The following LSAMP variants were observed in gnomAD, a reference collection of about 807,000 sequenced individuals.
The protein encoded by LSAMP is limbic system associated membrane protein, also known as limbic system-associated membrane protein.
Under a neutral mutation model 38.6 loss-of-function variants are expected in LSAMP, and 7 were observed. The observed-to-expected ratio is 0.18, with a 90% CI of 0.10 to 0.34. The LOEUF (loss-of-function observed/expected upper bound fraction) is 0.34. Ranked by LOEUF, LSAMP falls within the 10% of genes least tolerant of loss-of-function variation. LSAMP has a pLI of 1.00. For missense variants in LSAMP, 313 were observed against 420.0 expected, an observed-to-expected ratio of 0.75 and a Z score of 2.23; for synonymous variants, 154 against 166.8, an observed-to-expected ratio of 0.92 and a Z score of 0.59.
chr3:115,820,638 T>C (rs904530200), intron 6 of LSAMP, among the ~76,000 whole-genome samples: 2 of 152,238 alleles, frequency 1.3e-5, no homozygotes, highest in Non-Finnish European at 2.9e-5. Context: ...CTTATTGGCA[T>C]AGACAATACA....
chr3:116,193,882 C>A (rs1710813088), intron 1 of LSAMP, among the ~76,000 whole-genome samples: 1 of 149,948 alleles, frequency 6.7e-6, no homozygotes, highest in African/African-American at 2.5e-5. Context: ...GAATTAAACA[C>A]CACATCATCA....
At chr3:116,046,790 A>T (rs960581995) in intron 2 of LSAMP, among the ~76,000 whole-genome samples, 2 of 152,250 alleles carry the variant, frequency 1.3e-5, no homozygotes, top group East Asian at 3.8e-4. Flanking sequence ...AGAGTGCTCC[A>T]GATACCAACA....
At chr3:115,930,477 A>G (rs1339327140) in intron 3 of LSAMP, among the ~76,000 whole-genome samples, 1 of 152,142 alleles carries the variant, frequency 6.6e-6, no homozygotes, top group East Asian at 1.9e-4. Flanking sequence ...TTTCTTAGCT[A>G]GGTTAGTCTC....
chr3:115,839,729 A>G (rs1934934537), intron 6 of LSAMP, among the ~76,000 whole-genome samples: 1 of 152,206 alleles, frequency 6.6e-6, no homozygotes, highest in Non-Finnish European at 1.5e-5. Context: ...CAACTATGGT[A>G]GTGCCTATGT....
intron 1 of LSAMP, among the ~76,000 whole-genome samples, chr3:116,232,699 C>CTTTTTTTTTTTTTTTTTTT (rs1219296323): frequency 1.6e-4 from 16 of 99,438 alleles, no homozygotes; most frequent in South Asian, 8.9e-4. Context: ...TTCTTTCTTT[C>CTTTTTTTTTTTTTTTTTTT]TTTTTTTTTT....
chr3:116,226,729 G>A (rs898923745), intron 1 of LSAMP, among the ~76,000 whole-genome samples: 1 of 152,224 alleles, frequency 6.6e-6, no homozygotes, highest in African/African-American at 2.4e-5. Context: ...CACTTTGTGT[G>A]TGTCGTGTAG....
intron 1 of LSAMP, among the ~76,000 whole-genome samples, chr3:116,242,409 T>C (rs1041591623): frequency 6.6e-6 from 1 of 152,222 alleles, no homozygotes; most frequent in Non-Finnish European, 1.5e-5. Context: ...GGTCACGAAC[T>C]GAAATTTAAA....
chr3:115,930,431 C>G (rs576247119), intron 3 of LSAMP, among the ~76,000 whole-genome samples: 1 of 151,990 alleles, frequency 6.6e-6, no homozygotes, highest in Non-Finnish European at 1.5e-5. Context: ...AGGTGGCTAA[C>G]GTGGCTAATT....
At chr3:115,867,111 C>T (rs1291595399) in intron 3 of LSAMP, among the ~76,000 whole-genome samples, 1 of 151,710 alleles carries the variant, frequency 6.6e-6, no homozygotes, top group Non-Finnish European at 1.5e-5. Context: ...AACACTGAGA[C>T]AGAAAATCAT....
chr3:116,273,809 T>C (rs1004657473), intron 1 of LSAMP, among the ~76,000 whole-genome samples: 7 of 87,482 alleles, frequency 8.0e-5, no homozygotes, highest in East Asian at 3.2e-4. Context: ...CTCTTTTTCT[T>C]TCTTTCTCTC....
At chr3:116,128,278 C>G (rs1709050891) in intron 1 of LSAMP, among the ~76,000 whole-genome samples, 1 of 152,174 alleles carries the variant, frequency 6.6e-6, no homozygotes, top group Non-Finnish European at 1.5e-5. Context: ...CTTCACTTAT[C>G]TATTCCAAGA....
intron 1 of LSAMP, among the ~76,000 whole-genome samples, chr3:116,305,790 G>A (rs1353356714): frequency 6.6e-6 from 1 of 151,844 alleles, no homozygotes; most frequent in African/African-American, 2.4e-5. Context: ...AGAAAAAAAA[G>A]GACTTTCCAA....
chr3:116,129,208 T>C (rs1224584967), intron 1 of LSAMP, among the ~76,000 whole-genome samples: 3 of 152,132 alleles, frequency 2.0e-5, no homozygotes, highest in African/African-American at 7.2e-5. Context: ...TGTCAGATAA[T>C]AGACTAGGTG....
In LSAMP at chr3:115,826,071, T is replaced by C. The variant is rs192904834; in HGVS notation, c.920-15657A>G. On this transcript the variant is annotated intron_variant, in intron 6 of 6. Transcript: ENST00000490035. ...GACCTTTGCAGGTAGTGGGTTGTCG[T>C]TCTCTTCCCCTGCTTCTTCTCTTTC... Among the ~76,000 whole-genome samples, 213 of 152,216 alleles carry C rather than the reference T, an allele frequency of 1.4e-3. 3 individuals are homozygous for C. The highest frequency in any genetic ancestry group is 1.9e-4 in the Non-Finnish European group (13 of 68,006).
At chr3:115,987,035 T>C (rs147505660) in intron 3 of LSAMP, among the ~76,000 whole-genome samples, 2 of 152,290 alleles carry the variant, frequency 1.3e-5, no homozygotes, top group African/African-American at 4.8e-5. Context: ...ACTGGAGGTG[T>C]CTGCAGTTAC....
Position 115,923,915 on chromosome 3 carries a change from C to T in LSAMP, c.515-71298G>A, listed in dbSNP as rs1165056569. ...AATAGGTTTTTATCATTATGTGTCT[C>T]CAAACATTTTAAGGAGAGGAGCACT... is the stretch of plus-strand genomic sequence containing the variant. On this transcript the variant is annotated intron_variant, in intron 3 of 6. Coordinates refer to ENST00000490035, the MANE Select transcript of LSAMP (RefSeq NM_002338.5). Among the ~76,000 whole-genome samples the T allele has an allele frequency of 2.0e-5, 3 of 152,062 alleles. No homozygotes were observed. The East Asian group carries it at 5.8e-4, about 29-fold the overall frequency.
intron 1 of LSAMP, among the ~76,000 whole-genome samples, chr3:116,420,081 T>A (rs1028251855): frequency 6.6e-6 from 1 of 151,832 alleles, no homozygotes; most frequent in Admixed American, 6.6e-5. Flanking sequence ...ACCTATTTTT[T>A]CTTTTTCTCT....
intron 1 of LSAMP, among the ~76,000 whole-genome samples, chr3:116,241,867 G>T (rs1205772084): frequency 1.3e-5 from 2 of 152,216 alleles, no homozygotes; most frequent in Non-Finnish European, 2.9e-5. Flanking sequence ...ATTGCCAAGG[G>T]CATAGCCATT....
At chr3:116,302,961 G>A (rs1224361034) in intron 1 of LSAMP, among the ~76,000 whole-genome samples, 2 of 152,098 alleles carry the variant, frequency 1.3e-5, no homozygotes, top group Admixed American at 6.6e-5. Flanking sequence ...CAAAAACAGA[G>A]AATCTATAAT....
Sources: gnomAD v4.1 joint callset for allele counts (sites outside exome capture counted in the v4.1 genomes callset) on GRCh38, gnomAD v4.1.1 for gene constraint, MANE v1.5 for transcripts, NCBI Gene and HGNC (gene_info 2026-07-23, HGNC 2026-07-21) for gene names.